ATP5F1A: variants seen among roughly 807,000 people sequenced by gnomAD.
The protein encoded by ATP5F1A is ATP synthase F1 subunit alpha, also known as ATP synthase F(1) complex subunit alpha, mitochondrial.
In ATP5F1A, 24 loss-of-function variants were observed where a neutral mutation model predicts 57.4. The observed-to-expected ratio is 0.42, with a 90% confidence interval of 0.30 to 0.59. The LOEUF is 0.59. Among genes scored for constraint, ATP5F1A ranks in the 20% least tolerant of loss-of-function variants. The probability of loss-of-function intolerance (pLI) is 0.19; values close to 1 mark genes in which losing one functional copy is unlikely to be tolerated. For synonymous variants in ATP5F1A, 251 were observed against 255.5 expected, an observed-to-expected ratio of 0.98 and a Z score of 0.17; for missense variants, 494 against 707.9, an observed-to-expected ratio of 0.70 and a Z score of 3.43.
chr18:46,095,804 A>G (rs867283357), intron 1 of ATP5F1A, among the ~76,000 whole-genome samples: 1 of 151,880 alleles, frequency 6.6e-6, no homozygotes, highest in African/African-American at 2.4e-5. Context: ...TATTTTTTTT[A>G]TAGAGACAGG....
In ATP5F1A at chr18:46,084,798, C is replaced by A. The variant is rs992949155; in HGVS notation, c.1430-144G>T. On this transcript the variant is annotated intron_variant, in intron 10 of 11. Coordinates refer to ENST00000398752, the MANE Select transcript of ATP5F1A (RefSeq NM_004046.6). ...TCTTCACAATATCAATGACCTAGAA[C>A]TCCACTTAATAATCCTTCCTCCCAC... 10 of 837,114 alleles carry A rather than the reference C, an allele frequency of 1.2e-5. No individual in the cohort carries two copies. The South Asian group carries it at 2.6e-4, about 22-fold the overall frequency. The allele number at this position is 837,114 out of a possible 1,614,324, so 51.9% of individuals were successfully genotyped here.
upstream of ATP5F1A, among the ~76,000 whole-genome samples, chr18:46,101,067 A>G (rs1911261381): frequency 6.6e-6 from 1 of 152,048 alleles, no homozygotes; most frequent in Non-Finnish European, 1.5e-5. Context: ...GTGAGACTCC[A>G]TCTCAAAACA....
chr18:46,090,093 G>GGGGGGGGGGGGCCC, intron 3 of ATP5F1A, 97 bp from the exon 4 acceptor site: 2 of 414,298 alleles, frequency 4.8e-6, no homozygotes, highest in Admixed American at 3.8e-5. Context: ...GGTGGGGGGG[G>GGGGGGGGGGGGCCC]AAGCAGTATT....
chr18:46,098,361 C>A (rs1911140185), upstream of ATP5F1A: 41 of 1,228,732 alleles, frequency 3.3e-5, no homozygotes, highest in African/African-American at 5.0e-5. Flanking sequence ...CCCTCGCGTT[C>A]ACCACCTCTC....
rs1910855349 is a variant in ATP5F1A, at chr18:46,095,233, A to T, written c.61-102T>A. 3 of 1,059,056 alleles carry T rather than the reference A, an allele frequency of 2.8e-6. No individual in the cohort carries two copies. The Admixed American group carries it at 7.5e-5, about 27-fold the overall frequency. 65.6% of individuals were successfully genotyped at this position (1,059,056 alleles called of 1,614,324 possible). A position where few individuals can be genotyped will look rare whatever the true frequency, so the allele number is the denominator to read the frequency against. Reference sequence around the variant, plus strand: ...CTTAGTGTGATCAAAGTACTGGTGAAAATGCTAATTACATATAAAGCATTT... The same window carrying T: ...CTTAGTGTGATCAAAGTACTGGTGATAATGCTAATTACATATAAAGCATTT... On this transcript the variant is annotated intron_variant, in intron 1 of 11. Coordinates refer to ENST00000398752, the MANE Select transcript of ATP5F1A (RefSeq NM_004046.6).
At position 46,083,450 on chromosome 18, in the gene ATP5F1A, C is replaced by CA. The variant is rs1213628611; in HGVS notation, c.*831dup. 3 of 152,184 alleles carry CA rather than the reference C, an allele frequency of 2.0e-5. No homozygotes were observed. The highest frequency in any genetic ancestry group is 4.4e-5 in the Non-Finnish European group (3 of 68,032). The allele number at this position is 152,184 out of a possible 1,614,324, so 9.4% of individuals were successfully genotyped here. A position where few individuals can be genotyped will look rare whatever the true frequency, so the allele number is the denominator to read the frequency against. ...GATGGAGACCCTGTCACAAAACAAA[C>CA]AAAAGAGATATTGACAAGTTTTCAT... On this transcript the variant is annotated 3_prime_UTR_variant, in exon 12 of 12. Transcript: ENST00000398752.
chr18:46,098,033 C>G (rs1265406334), intron 1 of ATP5F1A, 139 bp downstream of exon 1: 3 of 1,432,944 alleles, frequency 2.1e-6, no homozygotes, highest in Non-Finnish European at 2.7e-6. Flanking sequence ...CCTGCTCTGT[C>G]CAGCCGGAGA....
At position 46,081,315 on chromosome 18, in the gene ATP5F1A, T is replaced by A. The variant is rs1016301572; in HGVS notation, c.*2967A>T. ...TACATACTCCCAGTAATAAATTAAT[T>A]CCAATCCATTAGCCAAAGTATTTTT... On this transcript the variant is annotated 3_prime_UTR_variant, in exon 12 of 12. Transcript: ENST00000398752. 4.6e-5 allele frequency: 7 copies of A among 150,974 alleles called. No individual in the cohort carries two copies. The highest frequency in any genetic ancestry group is 1.7e-4 in the African/African-American group (7 of 41,022). 9.4% of individuals were successfully genotyped at this position (150,974 alleles called of 1,614,324 possible). A position where few individuals can be genotyped will look rare whatever the true frequency, so the allele number is the denominator to read the frequency against.
At chr18:46,103,739 C>T (rs889782172) in intron 1 of ATP5F1A, among the ~76,000 whole-genome samples, 3 of 151,556 alleles carry the variant, frequency 2.0e-5, no homozygotes, top group South Asian at 2.1e-4. Flanking sequence ...TATGGTGAAA[C>T]CCCGTCTCTA....
At chr18:46,091,625 A>G in intron 3 of ATP5F1A, 57 bp downstream of exon 3, 1 of 1,471,644 alleles carries the variant, frequency 6.8e-7, no homozygotes, top group Non-Finnish European at 9.1e-7. Flanking sequence ...GAATCGCTAA[A>G]TGAATAACTG....
At chr18:46,099,746 A>C (rs770892669), upstream of ATP5F1A, among the ~76,000 whole-genome samples, 1 of 152,120 alleles carries the variant, frequency 6.6e-6, no homozygotes, top group Non-Finnish European at 1.5e-5. Flanking sequence ...CACCGTTTGG[A>C]GAAGCATTTT....
chr18:46,092,475 G>A (rs564819329), intron 2 of ATP5F1A, among the ~76,000 whole-genome samples: 7 of 151,028 alleles, frequency 4.6e-5, no homozygotes, highest in East Asian at 2.0e-4. Context: ...AGCTGGGCAC[G>A]GGCATGCCTG....
In ATP5F1A at chr18:46,089,146, C is replaced by A. The variant is rs112665681; in HGVS notation, c.650+420G>T. On this transcript the variant is annotated intron_variant, in intron 5 of 11. Transcript: ENST00000398752. ...ATAAATACTGAGGGAACTCAGAGAC[C>A]AGTGGCGGCATGGGTCCTCCATATG... Among the ~76,000 whole-genome samples, 879 of 152,176 alleles carry A rather than the reference C, an allele frequency of 5.8e-3. 17 individuals carry two copies. Among genetic ancestry groups the A allele is most frequent in the Admixed American group, 0.033 (500 of 15,272 alleles).
At position 46,084,664 on chromosome 18, in the gene ATP5F1A, T is replaced by C. The variant is rs749872023; in HGVS notation, c.1430-10A>G. ...TCAATAGCCATGGGAGCTGAAAAGATACAAGAAGAATGCCAAGTGAGTTGC... is the reference window on the plus strand; with the variant it reads ...TCAATAGCCATGGGAGCTGAAAAGACACAAGAAGAATGCCAAGTGAGTTGC... On this transcript the variant is annotated splice_polypyrimidine_tract_variant and intron_variant, in intron 10 of 11. Coordinates refer to ENST00000398752, the MANE Select transcript of ATP5F1A (RefSeq NM_004046.6). 5 of 1,550,670 alleles carry C rather than the reference T, an allele frequency of 3.2e-6. No homozygotes were observed. The South Asian group carries it at 6.2e-5, about 19-fold the overall frequency.
chr18:46,090,280 A>AC (rs1910465145), intron 3 of ATP5F1A, among the ~76,000 whole-genome samples: 1 of 152,228 alleles, frequency 6.6e-6, no homozygotes. Context: ...TGGACAGGTT[A>AC]ATAAGCTTTT....
In ATP5F1A at chr18:46,092,611, C is replaced by T. The variant is rs528689848; in HGVS notation, c.140-760G>A. Reference sequence around the variant, plus strand: ...TGACAAAGTGAGACTATCACACACACAAAAATTATATATATATATATATAT... The same window carrying T: ...TGACAAAGTGAGACTATCACACACATAAAAATTATATATATATATATATAT... On this transcript the variant is annotated intron_variant, in intron 2 of 11. Coordinates refer to ENST00000398752, the MANE Select transcript of ATP5F1A (RefSeq NM_004046.6). Among the ~76,000 whole-genome samples the T allele has an allele frequency of 4.6e-3, 463 of 99,774 alleles. 3 individuals carry two copies. The highest frequency in any genetic ancestry group is 0.016 in the African/African-American group (435 of 27,074). 65.5% of individuals were successfully genotyped at this position (99,774 alleles called of 152,430 possible).
In ATP5F1A at chr18:46,087,243, G is replaced by C. The variant is rs753254040; in HGVS notation, c.952-11C>G. Reference sequence around the variant, plus strand: ...ACGGTAAGCAACAGCCTATGGTACAGAATAGGTTTGTGAAGTTAACCTATT... The same window carrying C: ...ACGGTAAGCAACAGCCTATGGTACACAATAGGTTTGTGAAGTTAACCTATT... On this transcript the variant is annotated splice_polypyrimidine_tract_variant and intron_variant, in intron 7 of 11. Coordinates refer to ENST00000398752, the MANE Select transcript of ATP5F1A (RefSeq NM_004046.6). 5.0e-6 allele frequency: 8 copies of C among 1,613,278 alleles called. No individual in the cohort carries two copies. The East Asian group carries it at 8.9e-5, about 18-fold the overall frequency.
At chr18:46,100,108 C>G (rs2578188), upstream of ATP5F1A, among the ~76,000 whole-genome samples, 2 of 151,502 alleles carry the variant, frequency 1.3e-5, no homozygotes, top group African/African-American at 4.8e-5. Flanking sequence ...AAAATTAGCC[C>G]GGCATGGGGG....
chr18:46,102,131 T>C (rs183776242), upstream of ATP5F1A, among the ~76,000 whole-genome samples: 1 of 145,292 alleles, frequency 6.9e-6, no homozygotes, highest in Admixed American at 6.9e-5. Flanking sequence ...CCGAGATTGC[T>C]CAACTGCACT....
Sources: allele counts gnomAD v4.1 joint callset (sites outside exome capture counted in the v4.1 genomes callset), GRCh38; gene constraint gnomAD v4.1.1; transcripts MANE v1.5; gene names NCBI Gene and HGNC (gene_info 2026-07-23, HGNC 2026-07-21).